The following NRF1 variants were observed in gnomAD, a reference collection of about 807,000 sequenced individuals.
NRF1 encodes nuclear respiratory factor 1, also known as alpha palindromic-binding protein.
NRF1 carries 5 observed loss-of-function variants against 58.5 expected under a neutral mutation model. The observed-to-expected ratio is 0.09, with a 90% CI of 0.04 to 0.18. The LOEUF is 0.18. NRF1 is among the 10% of genes least tolerant of loss of function. NRF1 has a pLI of 1.00. For synonymous variants in NRF1, 224 were observed against 246.7 expected, an observed-to-expected ratio of 0.91 and a Z score of 0.86; for missense variants, 288 against 657.7, an observed-to-expected ratio of 0.44 and a Z score of 6.15.
intron 1 of NRF1, 40 bp from the exon 2 acceptor site, chr7:129,657,306 A>G: frequency 1.4e-6 from 2 of 1,400,024 alleles, no homozygotes; most frequent in Non-Finnish European, 2.0e-6. Context: ...GTTATATTAC[A>G]CACTGAATCC....
At chr7:129,633,551 A>T (rs1455525161) in intron 1 of NRF1, 1 of 152,182 alleles carries the variant, frequency 6.6e-6, no homozygotes, top group Non-Finnish European at 1.5e-5. Context: ...GACAAGTGCC[A>T]CCATAGGCTA....
chr7:129,620,098 C>T (rs909010037), intron 1 of NRF1, among the ~76,000 whole-genome samples: 17 of 152,152 alleles, frequency 1.1e-4, no homozygotes, highest in African/African-American at 3.4e-4. Context: ...TGGTTGTGTT[C>T]GTTGGCTGAA....
At chr7:129,709,544 A>T (rs1803022869) in intron 6 of NRF1, among the ~76,000 whole-genome samples, 2 of 152,142 alleles carry the variant, frequency 1.3e-5, no homozygotes, top group Non-Finnish European at 2.9e-5. Context: ...ATCACTTTGA[A>T]CACTTAGAAA....
At chr7:129,664,884 T>C (rs1801884256) in intron 2 of NRF1, among the ~76,000 whole-genome samples, 1 of 152,178 alleles carries the variant, frequency 6.6e-6, no homozygotes, top group Admixed American at 6.5e-5. Flanking sequence ...TTCTTAGGAG[T>C]GCGAAAGGCT....
At chr7:129,643,855 T>A (rs764479815) in intron 1 of NRF1, among the ~76,000 whole-genome samples, 1 of 152,212 alleles carries the variant, frequency 6.6e-6, no homozygotes, top group Non-Finnish European at 1.5e-5. Context: ...TAAATGGCAG[T>A]GTAAAGAAAG....
intron 2 of NRF1, among the ~76,000 whole-genome samples, chr7:129,663,275 AG>A (rs1801829008): frequency 6.6e-6 from 1 of 151,868 alleles, no homozygotes; most frequent in South Asian, 2.1e-4. Flanking sequence ...GTCTCTTCGG[AG>A]CTGTTGGGTA....
intron 1 of NRF1, 55 bp from the exon 2 acceptor site, chr7:129,657,291 A>G: frequency 7.8e-7 from 1 of 1,277,492 alleles, no homozygotes; most frequent in Middle Eastern, 1.9e-4. Context: ...TAGTTTAAAC[A>G]TTGTGTTATA....
intron 10 of NRF1, among the ~76,000 whole-genome samples, chr7:129,737,288 G>T (rs750255097): frequency 6.6e-6 from 1 of 152,192 alleles, no homozygotes; most frequent in Non-Finnish European, 1.5e-5. Context: ...ATTGTTTAAA[G>T]GCTCTATCAC....
At chr7:129,753,453 A>G (rs181918509) in intron 10 of NRF1, among the ~76,000 whole-genome samples, 2 of 152,346 alleles carry the variant, frequency 1.3e-5, no homozygotes, top group Admixed American at 1.3e-4. Context: ...TCTCTGTTCA[A>G]TCAGAACCAT....
At position 129,741,736 on chromosome 7, in the gene NRF1, G is replaced by A. The variant is rs1183049177; in HGVS notation, c.1349-13282G>A. On this transcript the variant is annotated intron_variant, in intron 10 of 10. Transcript: ENST00000393232. The surrounding 1 kb of genome is among the most constrained non-coding windows in gnomAD (Gnocchi z 4.0). ...GATTTTGAAGGAATGCCAGTGCACTGTTATTAACTCTAATAGCTTGTCCCT... is the reference window on the plus strand; with the variant it reads ...GATTTTGAAGGAATGCCAGTGCACTATTATTAACTCTAATAGCTTGTCCCT... 2.0e-5 allele frequency among the ~76,000 whole-genome samples: 3 copies of A among 152,168 alleles called. No homozygotes were observed. Among genetic ancestry groups the A allele is most frequent in the Non-Finnish European group, 4.4e-5 (3 of 68,028 alleles).
chr7:129,675,337 A>C (rs1358416011), intron 3 of NRF1, among the ~76,000 whole-genome samples: 1 of 152,220 alleles, frequency 6.6e-6, no homozygotes, highest in Non-Finnish European at 1.5e-5. Flanking sequence ...CCAAACTTCC[A>C]TTAATGTTGA....
chr7:129,733,479 A>G (rs1206405436), intron 10 of NRF1, among the ~76,000 whole-genome samples: 2 of 149,836 alleles, frequency 1.3e-5, no homozygotes, highest in African/African-American at 2.5e-5. Flanking sequence ...AAAAAAAAAG[A>G]AAAGGAAAGA....
At chr7:129,689,635 A>G (rs1802518155) in intron 4 of NRF1, among the ~76,000 whole-genome samples, 2 of 152,204 alleles carry the variant, frequency 1.3e-5, no homozygotes, top group Admixed American at 6.5e-5. Flanking sequence ...GAATGTGTGC[A>G]TGTCCAGTGT....
chr7:129,625,110 G>A (rs1278934896), intron 1 of NRF1, among the ~76,000 whole-genome samples: 1 of 152,196 alleles, frequency 6.6e-6, no homozygotes, highest in Non-Finnish European at 1.5e-5. Context: ...TCTGTTCTTT[G>A]TCTCTTCCAG....
At chr7:129,711,027 C>T (rs1025030698) in intron 7 of NRF1, among the ~76,000 whole-genome samples, 7 of 151,928 alleles carry the variant, frequency 4.6e-5, no homozygotes, top group African/African-American at 1.7e-4. Context: ...AAGTGATCCT[C>T]CTGCCTCGGC....
At chr7:129,726,133 T>G (rs1254041649) in intron 9 of NRF1, among the ~76,000 whole-genome samples, 1 of 152,244 alleles carries the variant, frequency 6.6e-6, no homozygotes, top group Non-Finnish European at 1.5e-5. Context: ...ACTGGCTTAT[T>G]TGTCCACTTC....
In NRF1 at chr7:129,728,468, C is replaced by CAAAA. The variant is rs60777041; in HGVS notation, c.1348+1126_1348+1129dup. On this transcript the variant is annotated intron_variant, in intron 10 of 10. Coordinates refer to ENST00000393232, the MANE Select transcript of NRF1 (RefSeq NM_005011.5). ...TGGGTGACAGAATGAGACTCCGTCT[C>CAAAA]AAAAAAAAAAAAAAAAAAAAAAAAA... 1.8e-3 allele frequency among the ~76,000 whole-genome samples: 172 copies of CAAAA among 96,400 alleles called. 11 individuals are homozygous for CAAAA. The highest frequency in any genetic ancestry group is 6.5e-3 in the Middle Eastern group (1 of 154). 63.2% of individuals were successfully genotyped at this position (96,400 alleles called of 152,430 possible).
At chr7:129,717,132 C>T in intron 8 of NRF1, 87 bp from the exon 9 acceptor site, 1 of 1,369,346 alleles carries the variant, frequency 7.3e-7, no homozygotes, top group Middle Eastern at 1.9e-4. Context: ...TGTATTTAGC[C>T]AAAAAGTAGC....
chr7:129,711,246 C>T (rs986877548), intron 7 of NRF1, among the ~76,000 whole-genome samples: 4 of 152,048 alleles, frequency 2.6e-5, no homozygotes, highest in African/African-American at 4.8e-5. Context: ...ATGGATGTGG[C>T]GATGTGATAG....
Sources: gnomAD v4.1 joint callset for allele counts (sites outside exome capture counted in the v4.1 genomes callset) on GRCh38, gnomAD v4.1.1 for gene constraint, Gnocchi (gnomAD v3.1) non-coding constraint, MANE v1.5 for transcripts, NCBI Gene and HGNC (gene_info 2026-07-23, HGNC 2026-07-21) for gene names.